Variants in ESRRG observed in about 807,000 individuals in gnomAD.
ESRRG encodes the protein estrogen related receptor gamma.
Under a neutral mutation model 44.0 loss-of-function variants are expected in ESRRG, and 13 were observed. The ratio of observed to expected loss-of-function variants is 0.30; its 90% CI spans 0.19 to 0.47. The LOEUF (loss-of-function observed/expected upper bound fraction) is 0.47. Ranked by LOEUF, ESRRG falls within the 20% of genes least tolerant of loss-of-function variation. The pLI is 1.00. For missense variants in ESRRG, 395 were observed against 580.6 expected, an observed-to-expected ratio of 0.68 and a Z score of 3.29; for synonymous variants, 215 against 214.6, an observed-to-expected ratio of 1.00 and a Z score of -0.02.
At chr1:216,755,868 G>A (rs941039618) in intron 2 of ESRRG, among the ~76,000 whole-genome samples, 3 of 152,024 alleles carry the variant, frequency 2.0e-5, no homozygotes, top group African/African-American at 4.8e-5. Context: ...GCTAATGATT[G>A]TAGTTAAATA....
At chr1:216,977,614 T>G (rs2073203049) in intron 1 of ESRRG, among the ~76,000 whole-genome samples, 1 of 151,726 alleles carries the variant, frequency 6.6e-6, no homozygotes, top group Non-Finnish European at 1.5e-5. Flanking sequence ...GGAATCCAAG[T>G]GTCCTGACTC....
At chr1:216,681,792 A>AAAAT (rs2077079340) in intron 1 of ESRRG, 2 of 37,416 alleles carry the variant, frequency 5.3e-5, no homozygotes, top group Non-Finnish European at 1.1e-4. Context: ...AGAAAGAATA[A>AAAAT]GAATTAAAGT....
chr1:216,994,663 G>C (rs1236262071), intron 1 of ESRRG, among the ~76,000 whole-genome samples: 2 of 152,056 alleles, frequency 1.3e-5, no homozygotes, highest in African/African-American at 4.8e-5. Flanking sequence ...CTCACTGCAA[G>C]CTCCATCTCC....
At chr1:216,654,952 T>C (rs1252787399) in intron 2 of ESRRG, among the ~76,000 whole-genome samples, 1 of 152,206 alleles carries the variant, frequency 6.6e-6, no homozygotes, top group Non-Finnish European at 1.5e-5. Flanking sequence ...TCAATAATAG[T>C]AGCTAAATCT....
chr1:216,851,688 A>G (rs557365427), intron 2 of ESRRG, among the ~76,000 whole-genome samples: 1 of 152,326 alleles, frequency 6.6e-6, no homozygotes, highest in Non-Finnish European at 1.5e-5. Context: ...TTTATAAGCC[A>G]CACAGTCTAT....
At chr1:216,926,449 T>A (rs979084008) in intron 2 of ESRRG, among the ~76,000 whole-genome samples, 2 of 151,884 alleles carry the variant, frequency 1.3e-5, no homozygotes, top group Non-Finnish European at 2.9e-5. Flanking sequence ...GTTTCGTTCC[T>A]GTGACTCTTA....
At chr1:216,997,700 C>T (rs1398015038) in intron 1 of ESRRG, among the ~76,000 whole-genome samples, 1 of 152,178 alleles carries the variant, frequency 6.6e-6, no homozygotes, top group Non-Finnish European at 1.5e-5. Context: ...AATACTTTTG[C>T]TATTCTATAC....
At chr1:216,875,730 T>C (rs1053639430) in intron 2 of ESRRG, among the ~76,000 whole-genome samples, 1 of 152,208 alleles carries the variant, frequency 6.6e-6, no homozygotes, top group Non-Finnish European at 1.5e-5. Flanking sequence ...ATTATGAAGA[T>C]ATTTCGTATG....
chr1:216,610,683 G>T (rs2060528918), intron 3 of ESRRG, among the ~76,000 whole-genome samples: 1 of 152,122 alleles, frequency 6.6e-6, no homozygotes, highest in Admixed American at 6.5e-5. Flanking sequence ...AATTGTGTGT[G>T]TGTGTGTGTA....
chr1:217,130,643 C>T (rs1331706168), intron 1 of ESRRG, among the ~76,000 whole-genome samples: 1 of 152,144 alleles, frequency 6.6e-6, no homozygotes, highest in Admixed American at 6.5e-5. Context: ...GGAGTTTTCT[C>T]TCTTCTAAAT....
intron 1 of ESRRG, among the ~76,000 whole-genome samples, chr1:216,943,770 G>T (rs777117319): frequency 2.0e-5 from 3 of 152,120 alleles, no homozygotes; most frequent in Non-Finnish European, 4.4e-5. Context: ...ATAAACAGAA[G>T]AAATTCCTCA....
chr1:216,769,033 T>C (rs944325951), intron 2 of ESRRG, among the ~76,000 whole-genome samples: 2 of 151,438 alleles, frequency 1.3e-5, no homozygotes, highest in African/African-American at 4.9e-5. Flanking sequence ...GTTATTGACA[T>C]GAGAAGCATG....
chr1:217,114,005 A>G (rs940101790), intron 1 of ESRRG, among the ~76,000 whole-genome samples: 1 of 148,732 alleles, frequency 6.7e-6, no homozygotes, highest in Non-Finnish European at 1.5e-5. Context: ...TTTCTAAAAG[A>G]AAAAAAAAAG....
Position 216,503,622 on chromosome 1 carries a change from C to T in ESRRG, c.*3317G>A, listed in dbSNP as rs2040711659. 6.6e-6 allele frequency: 1 copy of T among 152,354 alleles called. No homozygotes were observed. The highest frequency in any genetic ancestry group is 1.5e-5 in the Non-Finnish European group (1 of 67,950). The allele number at this position is 152,354 out of a possible 1,614,324, so 9.4% of individuals were successfully genotyped here. ...CATAAGACTGCCATAAAATGTTTTC[C>T]TAGGCAGGTAAACAGAGACGCTTAA... is the stretch of plus-strand genomic sequence containing the variant. On this transcript the variant is annotated 3_prime_UTR_variant, in exon 7 of 7. Transcript: ENST00000408911.
intron 1 of ESRRG, among the ~76,000 whole-genome samples, chr1:217,109,702 G>A (rs1474381115): frequency 2.0e-5 from 3 of 152,136 alleles, no homozygotes; most frequent in Non-Finnish European, 4.4e-5. Context: ...CACCAAGGGA[G>A]CTAAGTACTC....
At chr1:216,524,423 T>A (rs1410376366) in intron 5 of ESRRG, among the ~76,000 whole-genome samples, 1 of 151,532 alleles carries the variant, frequency 6.6e-6, no homozygotes, top group Non-Finnish European at 1.5e-5. Flanking sequence ...TTATTTAAAA[T>A]TTTTCTTTAA....
At chr1:216,564,166 C>A (rs1399891124) in intron 5 of ESRRG, 53 bp downstream of exon 5, 2 of 1,171,904 alleles carry the variant, frequency 1.7e-6, no homozygotes, top group Non-Finnish European at 2.4e-6. Flanking sequence ...ATATACATAA[C>A]CTAGGGAATT....
intron 1 of ESRRG, among the ~76,000 whole-genome samples, chr1:217,055,530 T>C (rs6682402): frequency 0.18 from 27,356 of 152,060 alleles, 2,563 homozygotes; most frequent in Non-Finnish European, 0.19. Flanking sequence ...CTCCCCTTAA[T>C]GCCCTCCACC....
Position 216,560,018 on chromosome 1 carries a change from G to T in ESRRG, c.862+4201C>A, listed in dbSNP as rs190030678. 8.8e-4 allele frequency among the ~76,000 whole-genome samples: 134 copies of T among 152,198 alleles called. 2 individuals are homozygous for T. Among genetic ancestry groups the T allele is most frequent in the Admixed American group, 6.5e-3 (100 of 15,274 alleles). On this transcript the variant is annotated intron_variant, in intron 5 of 6. Transcript: ENST00000408911. ...AAAGCTAAGTCAATGAGCAATTTTT[G>T]ATATGTTCTCCTAACTGAATGTTTT...
Sources: gnomAD v4.1 joint callset for allele counts (sites outside exome capture counted in the v4.1 genomes callset) on GRCh38, gnomAD v4.1.1 for gene constraint, MANE v1.5 for transcripts, NCBI Gene and HGNC (gene_info 2026-07-23, HGNC 2026-07-21) for gene names.